GNA14: variants seen among roughly 807,000 people sequenced by gnomAD.
GNA14 encodes G protein subunit alpha 14, also known as guanine nucleotide-binding protein subunit alpha-14.
A neutral mutation model predicts 42.0 loss-of-function variants in GNA14; 50 were observed. The ratio of observed to expected loss-of-function variants is 1.19; its 90% CI spans 0.95 to 1.51. The LOEUF (loss-of-function observed/expected upper bound fraction) is 1.51. Ranked by LOEUF, GNA14 falls within the 40% of genes most tolerant of loss-of-function variation. The pLI, the probability that GNA14 is intolerant of heterozygous loss-of-function variation, is 0.00. For missense variants in GNA14, 473 were observed against 446.2 expected (o/e 1.06, Z -0.54); for synonymous variants, 173 against 163.1 (o/e 1.06, Z -0.46).
intron 1 of GNA14, among the ~76,000 whole-genome samples, chr9:77,625,073 G>T (rs1285554348): frequency 2.0e-5 from 3 of 151,670 alleles, no homozygotes; most frequent in African/African-American, 7.3e-5. Flanking sequence ...TGACCTGATG[G>T]AGCTGAAGAA....
At chr9:77,630,112 GT>G (rs138576637) in intron 1 of GNA14, among the ~76,000 whole-genome samples, 211 of 139,730 alleles carry the variant, frequency 1.5e-3, no homozygotes, top group Middle Eastern at 3.8e-3. Context: ...TTTGTTTTTT[GT>G]TTTTTTTTTT....
intron 2 of GNA14, among the ~76,000 whole-genome samples, chr9:77,464,351 A>ATGTGTGTG (rs35743834): frequency 3.1e-4 from 45 of 144,808 alleles, no homozygotes; most frequent in African/African-American, 6.4e-4. Context: ...GTGTGTGTAT[A>ATGTGTGTG]TGTGTGTGTG....
intron 1 of GNA14, among the ~76,000 whole-genome samples, chr9:77,586,809 G>A (rs1272302878): frequency 6.6e-6 from 1 of 152,196 alleles, no homozygotes; most frequent in Non-Finnish European, 1.5e-5. Context: ...CATGTTGCCT[G>A]TTCCTTTACG....
intron 2 of GNA14, among the ~76,000 whole-genome samples, chr9:77,444,998 T>C (rs892054883): frequency 6.6e-6 from 1 of 152,172 alleles, no homozygotes; most frequent in Admixed American, 6.5e-5. Context: ...ACAGCTATCC[T>C]TTTGAGTAGG....
intron 2 of GNA14, among the ~76,000 whole-genome samples, chr9:77,525,702 C>A (rs1291422014): frequency 2.0e-5 from 3 of 151,778 alleles, no homozygotes; most frequent in African/African-American, 7.3e-5. Context: ...ACACGCCCGG[C>A]TAATTTTTTT....
intron 1 of GNA14, among the ~76,000 whole-genome samples, chr9:77,574,943 C>T (rs973593304): frequency 6.6e-6 from 1 of 152,208 alleles, no homozygotes; most frequent in Non-Finnish European, 1.5e-5. Flanking sequence ...TGTTAGCTGC[C>T]TCACACCCAA....
At chr9:77,553,892 T>G (rs1490053201) in intron 1 of GNA14, among the ~76,000 whole-genome samples, 1 of 152,180 alleles carries the variant, frequency 6.6e-6, no homozygotes, top group Non-Finnish European at 1.5e-5. Flanking sequence ...AAATGCGTAG[T>G]GATAGGAGAC....
intron 1 of GNA14, among the ~76,000 whole-genome samples, chr9:77,562,446 CTAG>C (rs1822899265): frequency 6.6e-6 from 1 of 151,970 alleles, no homozygotes; most frequent in South Asian, 2.1e-4. Context: ...AGCCACCAAG[CTAG>C]AGTAGGGGAT....
At chr9:77,467,992 A>G (rs1836265807) in intron 2 of GNA14, among the ~76,000 whole-genome samples, 1 of 152,154 alleles carries the variant, frequency 6.6e-6, no homozygotes. Flanking sequence ...CTAAGTGGGG[A>G]AAAGATCTTC....
At chr9:77,548,250 A>G (rs1837745122) in intron 1 of GNA14, among the ~76,000 whole-genome samples, 1 of 152,086 alleles carries the variant, frequency 6.6e-6, no homozygotes, top group African/African-American at 2.4e-5. Flanking sequence ...TGTAACTCCA[A>G]CCTGTGCCTT....
rs140450100 is a variant in GNA14, at chr9:77,590,812, C to A, written c.124+56858G>T. ...CAAATTTTCAGAGAATTAAGAAATT[C>A]TAGAATTGAAGTGGCTCTTAAACCC... On this transcript the variant is annotated intron_variant, in intron 1 of 6. Transcript: ENST00000341700. Among the ~76,000 whole-genome samples the A allele has an allele frequency of 6.4e-3, 973 of 151,940 alleles. 12 individuals carry two copies. The highest frequency in any genetic ancestry group is 0.022 in the African/African-American group (917 of 41,426).
At position 77,604,335 on chromosome 9, in the gene GNA14, T is replaced by A. The variant is rs539635399; in HGVS notation, c.124+43335A>T. Among the ~76,000 whole-genome samples the A allele has an allele frequency of 4.6e-5, 7 of 152,354 alleles. No individual in the cohort carries two copies. In the South Asian group the frequency reaches 1.4e-3, roughly 32 times the overall value. On this transcript the variant is annotated intron_variant, in intron 1 of 6. Coordinates refer to ENST00000341700, the MANE Select transcript of GNA14 (RefSeq NM_004297.4). ...GGTAGAGATAGAGGTTTCCAGAACCTATAAAAATGTCAAGCATCAAAGGCT... is the reference window on the plus strand; with the variant it reads ...GGTAGAGATAGAGGTTTCCAGAACCAATAAAAATGTCAAGCATCAAAGGCT...
Position 77,647,694 on chromosome 9 carries a change from GGCGCGCGTCCTTCTTGTCCCGACGAA to G in GNA14, c.74_99del (p.Leu25ProfsTer2). Reference sequence around the variant, plus strand: ...CCCAGCAGCAGCAGCTTAAGCTCACGGCGCGCGTCCTTCTTGTCCCGACGAAGCTGTCGCTCGATCTCCGCGCTGAT... The same window carrying G: ...CCCAGCAGCAGCAGCTTAAGCTCACGGCTGTCGCTCGATCTCCGCGCTGAT... On this transcript the variant is annotated frameshift_variant, in exon 1 of 7. Transcript: ENST00000341700. LOFTEE classifies it high-confidence loss of function. 6.2e-7 allele frequency: 1 copy of G among 1,610,208 alleles called. No homozygotes were observed. Among genetic ancestry groups the G allele is most frequent in the South Asian group, 1.1e-5 (1 of 90,220 alleles).
chr9:77,631,199 A>T (rs926902518), intron 1 of GNA14, among the ~76,000 whole-genome samples: 1 of 152,146 alleles, frequency 6.6e-6, no homozygotes, highest in African/African-American at 2.4e-5. Context: ...TTATGGTAAA[A>T]TATGGCTGCT....
chr9:77,494,468 G>A (rs923243824), intron 2 of GNA14, among the ~76,000 whole-genome samples: 3 of 151,986 alleles, frequency 2.0e-5, no homozygotes, highest in Non-Finnish European at 4.4e-5. Context: ...AAAAAAAATT[G>A]GGAAACACTG....
At chr9:77,593,086 C>T (rs1467011006) in intron 1 of GNA14, among the ~76,000 whole-genome samples, 1 of 152,136 alleles carries the variant, frequency 6.6e-6, no homozygotes, top group Non-Finnish European at 1.5e-5. Flanking sequence ...TTATAATAGC[C>T]TAATGCTCAA....
Position 77,423,963 on chromosome 9 carries a change from G to A in GNA14, c.*16C>T, listed in dbSNP as rs201198092. 127 of 1,551,282 alleles carry A rather than the reference G, an allele frequency of 8.2e-5. No individual in the cohort carries two copies. Among genetic ancestry groups the A allele is most frequent in the Non-Finnish European group, 4.4e-6 (5 of 1,140,548 alleles). On this transcript the variant is annotated 3_prime_UTR_variant, in exon 7 of 7. Transcript: ENST00000341700. ...AATCACATCTTCTGTTATAGGGGAG[G>A]AGTGGGCAGCAGCTTTTAGACAAGG...
chr9:77,513,249 C>T lies in GNA14; in HGVS notation c.309+15820G>A, dbSNP rs540807211. Among the ~76,000 whole-genome samples, 17 of 152,312 alleles carry T rather than the reference C, an allele frequency of 1.1e-4. No homozygotes were observed. In the South Asian group the frequency reaches 3.5e-3, roughly 32 times the overall value. ...TAACACTACACAAGGCCTTGAATCACCCATCAAGAAGCATACAGAACAATA... is the reference window on the plus strand; with the variant it reads ...TAACACTACACAAGGCCTTGAATCATCCATCAAGAAGCATACAGAACAATA... On this transcript the variant is annotated intron_variant, in intron 2 of 6. Coordinates refer to ENST00000341700, the MANE Select transcript of GNA14 (RefSeq NM_004297.4).
chr9:77,528,141 A>C (rs552960400), intron 2 of GNA14, among the ~76,000 whole-genome samples: 102 of 152,122 alleles, frequency 6.7e-4, no homozygotes, highest in African/African-American at 2.2e-3. Context: ...AACTTTTTTT[A>C]ATCATATATA....
Sources: allele counts gnomAD v4.1 joint callset (sites outside exome capture counted in the v4.1 genomes callset), GRCh38; gene constraint gnomAD v4.1.1; transcripts MANE v1.5; gene names NCBI Gene and HGNC (gene_info 2026-07-23, HGNC 2026-07-21).